Variants in IL4I1 observed in about 807,000 individuals in gnomAD.
IL4I1 encodes L-amino-acid oxidase.
IL4I1 carries 24 observed loss-of-function variants against 29.7 expected under a neutral mutation model. That is an observed-to-expected ratio of 0.81 (90% confidence interval 0.59 to 1.14). The LOEUF (loss-of-function observed/expected upper bound fraction) is 1.14. IL4I1 is among the 50% of genes most tolerant of loss of function. IL4I1 has a pLI of 0.00. For missense variants in IL4I1, 686 were observed against 785.6 expected (o/e 0.87, Z 1.52); for synonymous variants, 371 against 352.5 (o/e 1.05, Z -0.59).
intron 2 of IL4I1, chr19:49,909,497 G>A: frequency 6.2e-7 from 1 of 1,614,150 alleles, no homozygotes; most frequent in Non-Finnish European, 8.5e-7. Context: ...GGCTGGGGTG[G>A]CAGCTGTGTT....
intron 2 of IL4I1, among the ~76,000 whole-genome samples, chr19:49,904,734 C>T (rs145164867): frequency 1.3e-5 from 2 of 149,848 alleles, no homozygotes; most frequent in East Asian, 2.0e-4. Context: ...TTATTTGAGA[C>T]GGAGTCACTC....
intron 2 of IL4I1, among the ~76,000 whole-genome samples, chr19:49,919,876 AT>A (rs2075722235): frequency 6.6e-6 from 1 of 152,128 alleles, no homozygotes. Context: ...AATAACTTTT[AT>A]TTCTTACTCT....
At chr19:49,914,815 C>T (rs903205737) in intron 2 of IL4I1, among the ~76,000 whole-genome samples, 2 of 135,260 alleles carry the variant, frequency 1.5e-5, no homozygotes, top group Non-Finnish European at 3.1e-5. Flanking sequence ...TCTTGGCTCA[C>T]TACAACCTCC....
chr19:49,897,619 G>C (rs1228798924), upstream of IL4I1, among the ~76,000 whole-genome samples: 5 of 152,216 alleles, frequency 3.3e-5, no homozygotes, highest in Non-Finnish European at 7.3e-5. Flanking sequence ...GGTTCTATGA[G>C]TGACCACCCG....
rs2122600864 is a variant in IL4I1 at position 49,909,182 on chromosome 19, G to A, written c.-227-4861C>T. ...AGTGCTGGTGATGGTGGCTGTGGGT[G>A]TGGGAGCAGCTGGCTGTGTGGCACC... On this transcript the variant is annotated intron_variant, in intron 2 of 9. Coordinates refer to the IL4I1 transcript ENST00000341114. The A allele has an allele frequency of 3.7e-6, 6 of 1,613,724 alleles. No homozygotes were observed. The highest frequency in any genetic ancestry group is 1.3e-5 in the African/African-American group (1 of 75,044).
chr19:49,899,556 TTTTTTG>T (rs1477115081), upstream of IL4I1, among the ~76,000 whole-genome samples: 1 of 150,524 alleles, frequency 6.6e-6, no homozygotes, highest in African/African-American at 2.5e-5. Context: ...GTTTTTTGTT[TTTTTTG>T]TTTTTTTTAA....
intron 2 of IL4I1, chr19:49,906,917 T>A (rs1478347369): frequency 6.6e-6 from 1 of 152,462 alleles, no homozygotes; most frequent in Non-Finnish European, 1.5e-5. Context: ...ATACAAAAGA[T>A]GCTTGGGATA....
At chr19:49,918,880 A>G (rs1207104601) in intron 2 of IL4I1, among the ~76,000 whole-genome samples, 1 of 103,912 alleles carries the variant, frequency 9.6e-6, no homozygotes, top group South Asian at 4.1e-4. Context: ...CTGCAATCCC[A>G]GCACTTTGGG....
At chr19:49,903,682 G>A (rs891507051) in intron 3 of IL4I1, among the ~76,000 whole-genome samples, 1 of 152,108 alleles carries the variant, frequency 6.6e-6, no homozygotes, top group Non-Finnish European at 1.5e-5. Flanking sequence ...GGTCATAAGA[G>A]CTGATTTACA....
chr19:49,908,345 A>T (rs755832145), intron 2 of IL4I1: 1 of 1,614,092 alleles, frequency 6.2e-7, no homozygotes, highest in Non-Finnish European at 8.5e-7. Context: ...GTTCTGGTCG[A>T]TCCACTGCAG....
Position 49,918,344 on chromosome 19 carries a change from C to A in IL4I1, c.-228+9350G>T, listed in dbSNP as rs759418460. 5.9e-4 allele frequency among the ~76,000 whole-genome samples: 90 copies of A among 152,138 alleles called. 1 individual carries two copies. The highest frequency in any genetic ancestry group is 9.3e-4 in the Non-Finnish European group (63 of 68,036). ...CCTCCCAAAGTGCCAAGATTACAGG[C>A]ACGAGCCACCACGTCCAGCGAGGGT... On this transcript the variant is annotated intron_variant, in intron 2 of 9. Transcript: ENST00000341114.
At chr19:49,926,207 T>TAAAA (rs2075883588) in intron 2 of IL4I1, among the ~76,000 whole-genome samples, 1 of 34,808 alleles carries the variant, frequency 2.9e-5, no homozygotes, top group African/African-American at 1.6e-4. Context: ...AGACTCTGTC[T>TAAAA]CAAAAAAAAA....
chr19:49,910,687 G>A (rs1033237219), intron 2 of IL4I1, among the ~76,000 whole-genome samples: 36 of 149,710 alleles, frequency 2.4e-4, no homozygotes, highest in African/African-American at 7.2e-4. Flanking sequence ...GGGACATCAC[G>A]GGAGACCATG....
intron 1 of IL4I1, 122 bp from the exon 2 acceptor site, chr19:49,896,304 T>G: frequency 8.3e-7 from 1 of 1,203,600 alleles, no homozygotes; most frequent in Non-Finnish European, 1.1e-6. Flanking sequence ...TGTCCTGCTC[T>G]CTGGACCTGT....
At chr19:49,901,806 C>T, upstream of IL4I1, 2 of 957,398 alleles carry the variant, frequency 2.1e-6, no homozygotes, top group Non-Finnish European at 3.0e-6. Flanking sequence ...ATATTGGGGT[C>T]AGAGCAGCTG....
At position 49,890,106 on chromosome 19, in the gene IL4I1, A is replaced by C. The variant is rs1473549759; in HGVS notation, c.1268T>G (p.Val423Gly). 3.9e-6 allele frequency: 6 copies of C among 1,544,464 alleles called. No individual in the cohort carries two copies. Among genetic ancestry groups the C allele is most frequent in the South Asian group, 1.2e-5 (1 of 84,050 alleles). ...CACGACAGGCCCGTGCAATGCCGCC[A>C]CGTCGTCGAGCGCCAAGCGCAACGC... ...EEALRLALDD[V>G]AALHGPVVRQ... is the part of the protein sequence containing the mutation. Residue 423 changes from valine (V) to glycine (G), a missense_variant, in exon 8 of 8, where the codon GTG becomes GGG. Coordinates refer to ENST00000391826, the MANE Select transcript of IL4I1 (RefSeq NM_152899.2).
chr19:49,890,065 C>A lies in IL4I1; in HGVS notation c.1309G>T (p.Gly437Cys), dbSNP rs1434139379. 1.3e-6 allele frequency: 2 copies of A among 1,549,400 alleles called. No homozygotes were observed. Among genetic ancestry groups the A allele is most frequent in the East Asian group, 2.4e-5 (1 of 40,942 alleles). Residue 437 changes from glycine to cysteine, a missense_variant, in exon 8 of 8, where the codon GGC becomes TGC. Gly to Cys is a radical substitution (Grantham distance 159). Coordinates refer to ENST00000391826, the MANE Select transcript of IL4I1 (RefSeq NM_152899.2). ...HGPVVRQLWD[G>C]TGVVKRWAED... ...GCCCAACGCTTGACGACGCCGGTGCCGTCCCAGAGCTGGCGCACGACAGGC... is the reference window on the plus strand; with the variant it reads ...GCCCAACGCTTGACGACGCCGGTGCAGTCCCAGAGCTGGCGCACGACAGGC...
At chr19:49,900,223 T>G (rs569849695), upstream of IL4I1, among the ~76,000 whole-genome samples, 3 of 152,226 alleles carry the variant, frequency 2.0e-5, no homozygotes, top group East Asian at 5.8e-4. Flanking sequence ...CCAATTAATG[T>G]TAGTTTGAAG....
chr19:49,909,212 G>A (rs779065470), intron 2 of IL4I1: 11 of 1,614,072 alleles, frequency 6.8e-6, no homozygotes, highest in African/African-American at 2.7e-5. Context: ...GGCACCTGCT[G>A]TGGTGGCTGC....
Sources: allele counts gnomAD v4.1 joint callset (sites outside exome capture counted in the v4.1 genomes callset), GRCh38; gene constraint gnomAD v4.1.1; transcripts MANE v1.5; gene names NCBI Gene and HGNC (gene_info 2026-07-23, HGNC 2026-07-21).